The following FAM98B variants were observed in gnomAD, a reference collection of about 807,000 sequenced individuals.
FAM98B encodes the protein tRNA splicing ligase complex subunit 3B.
In FAM98B, 32 loss-of-function variants were observed where a neutral mutation model predicts 43.9. That is an observed-to-expected ratio of 0.73 (90% CI 0.55 to 0.98). The LOEUF is 0.98. Among genes scored for constraint, FAM98B ranks in the 50% least tolerant of loss-of-function variants. The pLI is 0.00. For synonymous variants in FAM98B, 190 were observed against 174.0 expected (o/e 1.09, Z -0.72); for missense variants, 514 against 522.9 (o/e 0.98, Z 0.17).
At chr15:38,454,623 T>C (rs938734648) in intron 1 of FAM98B, among the ~76,000 whole-genome samples, 54 of 152,220 alleles carry the variant, frequency 3.5e-4, no homozygotes, top group African/African-American at 1.3e-3. Flanking sequence ...TTGAGGACTG[T>C]TGTCTCCTAC....
intron 7 of FAM98B, 168 bp downstream of exon 7, chr15:38,481,627 G>A: frequency 6.5e-7 from 1 of 1,541,950 alleles, no homozygotes; most frequent in Non-Finnish European, 8.7e-7. Context: ...ATGTGTGTAT[G>A]TTCACTTGAA....
Position 38,470,411 on chromosome 15 carries a change from A to G in FAM98B, c.531+6A>G, listed in dbSNP as rs1450665790. 6.3e-7 allele frequency: 1 copy of G among 1,576,566 alleles called. No individual in the cohort carries two copies. The highest frequency in any genetic ancestry group is 8.6e-7 in the Non-Finnish European group (1 of 1,168,660). ...TAAACCAAGTGGAATCAAAGGTATT[A>G]TCTTTGTTTTATTTTCCCCAAAATT... is the stretch of plus-strand genomic sequence containing the variant. On this transcript the variant is annotated splice_donor_region_variant and intron_variant, in intron 4 of 7. Transcript: ENST00000397609.
intron 6 of FAM98B, among the ~76,000 whole-genome samples, chr15:38,479,863 ATGT>A (rs1349181119): frequency 1.3e-5 from 2 of 152,230 alleles, no homozygotes; most frequent in Admixed American, 6.5e-5. Flanking sequence ...GGTAAATGAA[ATGT>A]TGTGTCACTT....
At chr15:38,455,376 T>C (rs1889831893) in intron 1 of FAM98B, among the ~76,000 whole-genome samples, 1 of 152,232 alleles carries the variant, frequency 6.6e-6, no homozygotes, top group Non-Finnish European at 1.5e-5. Flanking sequence ...TGCAGCGTTA[T>C]TATGAAGCTT....
intron 5 of FAM98B, among the ~76,000 whole-genome samples, chr15:38,473,858 ATTGGTATTTTCTTTCCTTG>A (rs1388685010): frequency 6.6e-6 from 1 of 152,200 alleles, no homozygotes; most frequent in Non-Finnish European, 1.5e-5. Context: ...AAGATGAGTT[ATTGGTATTTTCTTTCCTTG>A]TTGGTCCAGA....
intron 7 of FAM98B, chr15:38,482,208 T>A (rs1890296280): frequency 6.6e-6 from 1 of 152,446 alleles, no homozygotes; most frequent in Non-Finnish European, 1.5e-5. Flanking sequence ...TGGTTGTTTT[T>A]AAAGTCATTT....
At chr15:38,482,454 G>A (rs756500565) in intron 7 of FAM98B, 14 of 152,112 alleles carry the variant, frequency 9.2e-5, no homozygotes, top group South Asian at 4.1e-4. Flanking sequence ...ATCAGTTCTG[G>A]CATCTCCATA....
intron 7 of FAM98B, chr15:38,483,558 C>CG (rs1428531752): frequency 1.4e-5 from 2 of 148,048 alleles, no homozygotes; most frequent in East Asian, 4.1e-4. Flanking sequence ...CCCAACTACT[C>CG]GGGGGGCTGA....
At chr15:38,470,526 T>G in intron 4 of FAM98B, 121 bp downstream of exon 4, 2 of 894,456 alleles carry the variant, frequency 2.2e-6, no homozygotes, top group Non-Finnish European at 3.2e-6. Flanking sequence ...GAGTTTATCT[T>G]CATATAAACC....
rs1207457756 is a variant in FAM98B, at chr15:38,454,215, C to T, written c.54C>T (p.Asp18=). 6.2e-7 allele frequency: 1 copy of T among 1,603,862 alleles called. No homozygotes were observed. Among genetic ancestry groups the T allele is most frequent in the South Asian group, 1.1e-5 (1 of 88,224 alleles). The part of the protein sequence containing the change: ...PQPTMEGDVL[D]TLEALGYKGP... ...CGACGATGGAGGGAGACGTGCTGGACACACTGGAGGCGCTGGGGTGAGTGC... is the reference window on the plus strand; with the variant it reads ...CGACGATGGAGGGAGACGTGCTGGATACACTGGAGGCGCTGGGGTGAGTGC... The change falls in exon 1 of 8, where the codon GAC becomes GAT. Residue 18 remains aspartate, a synonymous_variant. Coordinates refer to ENST00000397609, the MANE Select transcript of FAM98B (RefSeq NM_173611.4).
At chr15:38,463,995 C>A (rs1889990195) in intron 1 of FAM98B, 37 bp from the exon 2 acceptor site, 2 of 1,555,828 alleles carry the variant, frequency 1.3e-6, no homozygotes, top group Non-Finnish European at 1.7e-6. Flanking sequence ...GTTTGATTGG[C>A]TTATTTAGTT....
intron 4 of FAM98B, 166 bp downstream of exon 4, chr15:38,470,571 T>A: frequency 1.9e-6 from 1 of 527,708 alleles, no homozygotes; most frequent in Non-Finnish European, 3.2e-6. Flanking sequence ...GCATGTGACC[T>A]AATCTGTCAG....
At chr15:38,459,401 G>A in intron 1 of FAM98B, 1 of 388,442 alleles carries the variant, frequency 2.6e-6, no homozygotes, top group Non-Finnish European at 5.1e-6. Flanking sequence ...TGGCCATGCT[G>A]GATGCGAAAA....
intron 5 of FAM98B, 38 bp downstream of exon 5, chr15:38,473,623 C>T (rs2141058718): frequency 6.7e-7 from 1 of 1,494,414 alleles, no homozygotes; most frequent in East Asian, 2.3e-5. Flanking sequence ...TATGTAATTA[C>T]ATTAGTGAAT....
chr15:38,467,980 CAT>C (rs758882692), intron 3 of FAM98B, among the ~76,000 whole-genome samples: 12 of 152,138 alleles, frequency 7.9e-5, no homozygotes, highest in Non-Finnish European at 1.8e-4. Flanking sequence ...TACACACACA[CAT>C]GCCTAAAAGG....
intron 1 of FAM98B, chr15:38,458,679 G>A (rs936334822): frequency 6.6e-5 from 13 of 196,366 alleles, no homozygotes; most frequent in African/African-American, 2.3e-4. Context: ...CACTCTGTCC[G>A]TCAGGTGATC....
chr15:38,484,175 T>G (rs1402922438), intron 7 of FAM98B, 80 bp from the exon 8 acceptor site: 1 of 1,322,786 alleles, frequency 7.6e-7, no homozygotes, highest in African/African-American at 1.5e-5. Flanking sequence ...CTTCTGTTTA[T>G]TAGAAACAAC....
chr15:38,478,478 C>T (rs147726260), intron 6 of FAM98B, among the ~76,000 whole-genome samples: 1 of 152,010 alleles, frequency 6.6e-6, no homozygotes, highest in Admixed American at 6.6e-5. Flanking sequence ...TCCCTATTTT[C>T]GTGATAGAAA....
At chr15:38,463,195 G>A (rs946941888) in intron 1 of FAM98B, among the ~76,000 whole-genome samples, 7 of 152,148 alleles carry the variant, frequency 4.6e-5, no homozygotes, top group African/African-American at 1.7e-4. Flanking sequence ...GTTTAGAAGT[G>A]TAAAATTATA....
Sources: gnomAD v4.1 joint callset for allele counts (sites outside exome capture counted in the v4.1 genomes callset) on GRCh38, gnomAD v4.1.1 for gene constraint, MANE v1.5 for transcripts, NCBI Gene and HGNC (gene_info 2026-07-23, HGNC 2026-07-21) for gene names.